The following GALNT16 variants were observed in gnomAD, a reference collection of about 807,000 sequenced individuals.
The protein encoded by GALNT16 is UDP-GalNAc:polypeptide N-acetylgalactosaminyltransferase-like protein 1.
GALNT16 carries 40 observed loss-of-function variants against 76.1 expected under a neutral mutation model. The ratio of observed to expected loss-of-function variants is 0.53; its 90% CI spans 0.41 to 0.68. The LOEUF (loss-of-function observed/expected upper bound fraction) is 0.68, where lower values mean the gene tolerates loss of function less well. GALNT16 is among the 30% of genes least tolerant of loss of function. The pLI is 0.00. For synonymous variants in GALNT16, 276 were observed against 285.2 expected, an observed-to-expected ratio of 0.97 and a Z score of 0.32; for missense variants, 621 against 731.9, an observed-to-expected ratio of 0.85 and a Z score of 1.75.
At chr14:69,316,091 T>C (rs12437400) in intron 1 of GALNT16, among the ~76,000 whole-genome samples, 22,396 of 152,194 alleles carry the variant, frequency 0.15, 2,498 homozygotes, top group East Asian at 0.43. Context: ...GGTCTTGTGC[T>C]CACCCTTGTG....
At chr14:69,376,898 G>A in the GALNT16 span, among the ~76,000 whole-genome samples, 1 of 152,166 alleles carries the variant, frequency 6.6e-6, no homozygotes, top group African/African-American at 2.4e-5. Flanking sequence ...TGTCCATGAA[G>A]CTATTACAAG....
At chr14:69,382,661 G>A in the GALNT16 span, among the ~76,000 whole-genome samples, 5 of 147,686 alleles carry the variant, frequency 3.4e-5, no homozygotes, top group Non-Finnish European at 4.5e-5. Flanking sequence ...GTGAAACCCC[G>A]TCTCCACCAA....
chr14:69,282,966 G>A (rs1441905137), intron 1 of GALNT16, among the ~76,000 whole-genome samples: 1 of 152,040 alleles, frequency 6.6e-6, no homozygotes, highest in African/African-American at 2.4e-5. Flanking sequence ...GCACCTGGCC[G>A]AGATGATTTT....
Position 69,333,251 on chromosome 14 carries a change from C to T in GALNT16, c.863+82C>T, listed in dbSNP as rs938202765. 1.1e-5 allele frequency: 11 copies of T among 960,872 alleles called. No homozygotes were observed. The highest frequency in any genetic ancestry group is 2.5e-5 in the East Asian group (1 of 40,612). The allele number at this position is 960,872 out of a possible 1,614,324, so 59.5% of individuals were successfully genotyped here. On this transcript the variant is annotated intron_variant, in intron 8 of 14. Coordinates refer to ENST00000448469, the MANE Select transcript of GALNT16 (RefSeq NM_001168368.2). This position sits in a 1 kb window ranked among gnomAD's most constrained non-coding sequence, Gnocchi z 4.2. ...GAGGCTCTTGGGAGGCTGTATCGGT[C>T]GCTTGGGCTCCTGAGGCGCACTAAG...
chr14:69,322,791 T>G (rs2045207377), intron 2 of GALNT16, among the ~76,000 whole-genome samples: 1 of 152,074 alleles, frequency 6.6e-6, no homozygotes, highest in Non-Finnish European at 1.5e-5. Flanking sequence ...CTCGGGAGGC[T>G]AAGGCAGGAG....
intron 12 of GALNT16, among the ~76,000 whole-genome samples, chr14:69,345,550 G>A (rs1225230584): frequency 6.6e-6 from 1 of 152,146 alleles, no homozygotes; most frequent in Non-Finnish European, 1.5e-5. Context: ...AGGAGGCAGA[G>A]AAGGCACACA....
Position 69,333,044 on chromosome 14 carries a change from C to A in GALNT16, c.779-41C>A. 7.0e-7 allele frequency: 1 copy of A among 1,437,398 alleles called. No individual in the cohort carries two copies. The highest frequency in any genetic ancestry group is 9.8e-7 in the Non-Finnish European group (1 of 1,018,738). The allele number at this position is 1,437,398 out of a possible 1,614,324, so 89.0% of individuals were successfully genotyped here. A position where few individuals can be genotyped will look rare whatever the true frequency, so the allele number is the denominator to read the frequency against. Reference sequence around the variant, plus strand: ...AGTGAAGGGTCTCAGCAGCCCGCAGCTCTGCCCTGAGCTCTGTCCTCACCT... The same window carrying A: ...AGTGAAGGGTCTCAGCAGCCCGCAGATCTGCCCTGAGCTCTGTCCTCACCT... On this transcript the variant is annotated intron_variant, in intron 7 of 14. Coordinates refer to ENST00000448469, the MANE Select transcript of GALNT16 (RefSeq NM_001168368.2). This position sits in a 1 kb window ranked among gnomAD's most constrained non-coding sequence, Gnocchi z 4.2.
At chr14:69,315,850 T>G (rs1473516473) in intron 1 of GALNT16, among the ~76,000 whole-genome samples, 1 of 152,198 alleles carries the variant, frequency 6.6e-6, no homozygotes, top group Non-Finnish European at 1.5e-5. Flanking sequence ...ATAGATACTT[T>G]ACATCTCTTG....
chr14:69,303,493 G>A (rs936588795), intron 1 of GALNT16, among the ~76,000 whole-genome samples: 1 of 152,150 alleles, frequency 6.6e-6, no homozygotes, highest in Non-Finnish European at 1.5e-5. Flanking sequence ...CCCATGTAAT[G>A]CGTTATATTT....
At chr14:69,273,484 A>C (rs1274144678) in intron 1 of GALNT16, among the ~76,000 whole-genome samples, 1 of 152,196 alleles carries the variant, frequency 6.6e-6, no homozygotes, top group African/African-American at 2.4e-5. Context: ...CATGTCTGTA[A>C]AGGGCTTGGA....
At chr14:69,315,506 G>T (rs1187284379) in intron 1 of GALNT16, among the ~76,000 whole-genome samples, 1 of 152,174 alleles carries the variant, frequency 6.6e-6, no homozygotes, top group Non-Finnish European at 1.5e-5. Flanking sequence ...TGGAGCCATG[G>T]TCCAGATGGA....
At chr14:69,263,270 G>A (rs958587362) in intron 1 of GALNT16, among the ~76,000 whole-genome samples, 3 of 152,170 alleles carry the variant, frequency 2.0e-5, no homozygotes, top group Non-Finnish European at 2.9e-5. Context: ...ATTATCAACT[G>A]TAACCTCTAA....
At position 69,323,162 on chromosome 14, in the gene GALNT16, C is replaced by T. The variant is rs552244259; in HGVS notation, c.336-1530C>T. On this transcript the variant is annotated intron_variant, in intron 2 of 14. Transcript: ENST00000448469. ...GTCAGGTTCATTTCTGGTCCAGCCT[C>T]AATCTAGGGAGCCCGCTCCAGGGGA... is the stretch of plus-strand genomic sequence containing the variant. Among the ~76,000 whole-genome samples the T allele has an allele frequency of 6.6e-5, 10 of 152,276 alleles. No individual in the cohort carries two copies. In the East Asian group the frequency reaches 1.9e-3, roughly 29 times the overall value.
At chr14:69,315,484 C>T (rs1238293743) in intron 1 of GALNT16, among the ~76,000 whole-genome samples, 4 of 152,218 alleles carry the variant, frequency 2.6e-5, no homozygotes, top group South Asian at 2.1e-4. Flanking sequence ...ACCATGGCAA[C>T]ACCAGGGCTT....
chr14:69,291,553 C>T (rs1223262129), intron 1 of GALNT16, among the ~76,000 whole-genome samples: 1 of 152,200 alleles, frequency 6.6e-6, no homozygotes, highest in Non-Finnish European at 1.5e-5. Flanking sequence ...CTTCCACAGA[C>T]ATGCGCCAAG....
chr14:69,362,498 T>G, the GALNT16 span, among the ~76,000 whole-genome samples: 1 of 152,188 alleles, frequency 6.6e-6, no homozygotes, highest in Non-Finnish European at 1.5e-5. Flanking sequence ...TCTTGGCTGG[T>G]TTTCTGTGTT....
chr14:69,311,422 TCA>T (rs2045018817), intron 1 of GALNT16, among the ~76,000 whole-genome samples: 2 of 152,338 alleles, frequency 1.3e-5, no homozygotes, highest in East Asian at 3.9e-4. Flanking sequence ...GGATTAAGTT[TCA>T]ACAGGAATTT....
In GALNT16 at chr14:69,347,908, A is replaced by T; in HGVS notation, c.1445A>T (p.Gln482Leu). Residue 482 changes from glutamine to leucine, a missense_variant, in exon 14 of 15, where the codon CAG (glutamine) becomes CTG (leucine). Transcript: ENST00000448469. ...CTGTTCAGTGACCACCTCATCCAGC[A>T]GCAGGGGAAGTGCCTGGCTGCCACC... The part of the protein sequence containing the change: ...AWLFSDHLIQ[Q>L]QGKCLAATST... The T allele has an allele frequency of 6.2e-7, 1 of 1,614,024 alleles. No individual in the cohort carries two copies. The highest frequency in any genetic ancestry group is 8.5e-7 in the Non-Finnish European group (1 of 1,180,012).
intron 1 of GALNT16, among the ~76,000 whole-genome samples, chr14:69,285,173 T>TG (rs367795423): frequency 0.16 from 24,210 of 151,634 alleles, 2,624 homozygotes; most frequent in East Asian, 0.3. Flanking sequence ...CTCGAGTAGC[T>TG]GGGACTACAG....
Sources: allele counts gnomAD v4.1 joint callset (sites outside exome capture counted in the v4.1 genomes callset), GRCh38; gene constraint gnomAD v4.1.1; non-coding constraint Gnocchi (gnomAD v3.1); transcripts MANE v1.5; gene names NCBI Gene and HGNC (gene_info 2026-07-23, HGNC 2026-07-21).